NHS: variants seen among roughly 807,000 people sequenced by gnomAD.
The protein encoded by NHS is NHS actin remodeling regulator.
In NHS, 5 loss-of-function variants were observed where a neutral mutation model predicts 72.5. That is an observed-to-expected ratio of 0.07 (90% CI 0.04 to 0.14). NHS has a LOEUF of 0.14. Ranked by LOEUF, NHS falls within the 10% of genes least tolerant of loss-of-function variation. The pLI is 1.00. For missense variants in NHS, 1,072 were observed against 1,355.7 expected, an observed-to-expected ratio of 0.79 and a Z score of 3.29; for synonymous variants, 464 against 547.7, an observed-to-expected ratio of 0.85 and a Z score of 2.13.
intron 1 of NHS, among the ~76,000 whole-genome samples, chrX:17,665,607 G>A (rs989693545): frequency 2.7e-5 from 3 of 111,316 alleles, no homozygotes; most frequent in Non-Finnish European, 5.7e-5. Context: ...GATTACAGGC[G>A]TGAGTACCTA....
intron 1 of NHS, among the ~76,000 whole-genome samples, chrX:17,585,418 G>A (rs16980638): frequency 0.059 from 6,599 of 111,420 alleles, 444 homozygotes; most frequent in African/African-American, 0.2. Flanking sequence ...AGACCTTTAG[G>A]GGTATGGCAA....
rs781404104 is a variant in NHS at position 17,515,095 on chromosome X, T to C, written c.565+138773T>C. Reference sequence around the variant, plus strand: ...ATAACACAAATTTGGAGAAGCAGAATGGGCTTTTCTTTCAGTGTGTGTGGA... The same window carrying C: ...ATAACACAAATTTGGAGAAGCAGAACGGGCTTTTCTTTCAGTGTGTGTGGA... On this transcript the variant is annotated intron_variant, in intron 1 of 8. Transcript: ENST00000676302. Among the ~76,000 whole-genome samples the C allele has an allele frequency of 3.6e-5, 4 of 111,874 alleles. No homozygotes were observed. The South Asian group carries it at 1.5e-3, about 42-fold the overall frequency.
intron 1 of NHS, among the ~76,000 whole-genome samples, chrX:17,412,597 T>TA (rs1213258112): frequency 9.0e-6 from 1 of 110,955 alleles, no homozygotes; most frequent in Non-Finnish European, 1.9e-5. Flanking sequence ...GACCCTGTCT[T>TA]AAGAAGAAAG....
At chrX:17,570,114 C>G (rs1227316595) in intron 1 of NHS, among the ~76,000 whole-genome samples, 3 of 111,984 alleles carry the variant, frequency 2.7e-5, no homozygotes, top group African/African-American at 9.8e-5. Context: ...ATGCCTCCAG[C>G]TTTGTTCTTC....
chrX:17,509,218 T>C (rs923499417), intron 1 of NHS, among the ~76,000 whole-genome samples: 3 of 107,651 alleles, frequency 2.8e-5, no homozygotes, highest in African/African-American at 6.8e-5. Flanking sequence ...TTTATTTATT[T>C]ATTTATTTAT....
intron 1 of NHS, among the ~76,000 whole-genome samples, chrX:17,441,724 G>C (rs1211582859): frequency 9.0e-6 from 1 of 110,723 alleles, no homozygotes; most frequent in Non-Finnish European, 1.9e-5. Context: ...GGTGTTCTCT[G>C]TCCCATGGGA....
chrX:17,470,832 T>A (rs1467788365), intron 1 of NHS, among the ~76,000 whole-genome samples: 1 of 112,092 alleles, frequency 8.9e-6, no homozygotes, highest in African/African-American at 3.2e-5. Flanking sequence ...CTGCCTGATC[T>A]ACTTTACTTT....
chrX:17,644,931 G>GCAGC (rs1446070608), intron 1 of NHS, among the ~76,000 whole-genome samples: 1 of 110,568 alleles, frequency 9.0e-6, no homozygotes, highest in African/African-American at 3.3e-5. Flanking sequence ...GTCTCTCAAG[G>GCAGC]CAGCCATTCA....
intron 1 of NHS, among the ~76,000 whole-genome samples, chrX:17,678,998 A>AT (rs1451076494): frequency 9.1e-6 from 1 of 110,317 alleles, no homozygotes; most frequent in Admixed American, 9.6e-5. Flanking sequence ...TATCTAATAC[A>AT]TTTTTCCTGC....
chrX:17,619,735 A>G (rs1262856499), intron 1 of NHS, among the ~76,000 whole-genome samples: 1 of 111,990 alleles, frequency 8.9e-6, no homozygotes, highest in Non-Finnish European at 1.9e-5. Context: ...ACAGAAATTC[A>G]TGTTAATTAC....
At chrX:17,488,912 G>C (rs1457083722) in intron 1 of NHS, among the ~76,000 whole-genome samples, 3 of 111,067 alleles carry the variant, frequency 2.7e-5, no homozygotes, top group Non-Finnish European at 5.7e-5. Context: ...ATCTACATTA[G>C]GTATTTCTGC....
chrX:17,429,775 A>G (rs760580534), intron 1 of NHS, among the ~76,000 whole-genome samples: 1 of 111,512 alleles, frequency 9.0e-6, no homozygotes, highest in East Asian at 2.9e-4. Flanking sequence ...TGCTGTTAGC[A>G]TTAATAATTA....
intron 1 of NHS, among the ~76,000 whole-genome samples, chrX:17,467,690 T>G (rs2064876119): frequency 8.9e-6 from 1 of 111,994 alleles, no homozygotes; most frequent in South Asian, 3.7e-4. Context: ...ACCCAAGAAT[T>G]AGATTGCCTA....
At position 17,568,722 on chromosome X, in the gene NHS, T is replaced by C. The variant is rs1236176038; in HGVS notation, c.566-119020T>C. Among the ~76,000 whole-genome samples, 3 of 107,040 alleles carry C rather than the reference T, an allele frequency of 2.8e-5. No homozygotes were observed. In the Admixed American group the frequency reaches 3.0e-4, roughly 11 times the overall value. The allele number at this position is 107,040 out of a possible 115,157, so 93.0% of individuals were successfully genotyped here. ...GTGTTACATGTGCAGAACATGCAGT[T>C]TTGTTACATAGGTATACAGGTGCCA... On this transcript the variant is annotated intron_variant, in intron 1 of 8. Transcript: ENST00000676302.
At chrX:17,437,357 G>A (rs749541767) in intron 1 of NHS, among the ~76,000 whole-genome samples, 1 of 111,777 alleles carries the variant, frequency 8.9e-6, no homozygotes, top group Admixed American at 9.4e-5. Flanking sequence ...AGAATTAGAC[G>A]CCTCACACTA....
At chrX:17,587,651 T>C (rs1056529735) in intron 1 of NHS, among the ~76,000 whole-genome samples, 8 of 112,406 alleles carry the variant, frequency 7.1e-5, no homozygotes, top group Admixed American at 5.7e-4. Flanking sequence ...TAGGAAATTC[T>C]GTACAGGGCT....
Position 17,542,686 on chromosome X carries a change from A to G in NHS, c.566-145056A>G, listed in dbSNP as rs972790404. 3.7e-5 allele frequency among the ~76,000 whole-genome samples: 4 copies of G among 107,056 alleles called. No individual in the cohort carries two copies. In the Admixed American group the frequency reaches 3.9e-4, roughly 10 times the overall value. The allele number at this position is 107,056 out of a possible 115,157, so 93.0% of individuals were successfully genotyped here. A position where few individuals can be genotyped will look rare whatever the true frequency, so the allele number is the denominator to read the frequency against. On this transcript the variant is annotated intron_variant, in intron 1 of 8. Coordinates refer to ENST00000676302, the MANE Select transcript of NHS (RefSeq NM_001291867.2). ...GAACTTTTCCTTATGGAAGTCCTGAATCCAGAGAGAGAGAGAGAGAGAGAG... is the reference window on the plus strand; with the variant it reads ...GAACTTTTCCTTATGGAAGTCCTGAGTCCAGAGAGAGAGAGAGAGAGAGAG...
chrX:17,722,061 A>T (rs1310044217), intron 5 of NHS, among the ~76,000 whole-genome samples: 1 of 112,205 alleles, frequency 8.9e-6, no homozygotes, highest in African/African-American at 3.2e-5. Context: ...TAGGCTTTTT[A>T]AAAAAGACTG....
At chrX:17,401,890 G>A (rs1340548784) in intron 1 of NHS, among the ~76,000 whole-genome samples, 3 of 111,943 alleles carry the variant, frequency 2.7e-5, no homozygotes, top group Non-Finnish European at 3.8e-5. Context: ...ATATTCACAA[G>A]TACTGGGGAT....
Sources: allele counts gnomAD v4.1 joint callset (sites outside exome capture counted in the v4.1 genomes callset), GRCh38; gene constraint gnomAD v4.1.1; transcripts MANE v1.5; gene names NCBI Gene and HGNC (gene_info 2026-07-23, HGNC 2026-07-21).